The following PRDM11 variants were observed in gnomAD, a reference collection of about 807,000 sequenced individuals.
PRDM11 encodes PR domain-containing protein 11.
In PRDM11, 20 loss-of-function variants were observed where a neutral mutation model predicts 97.8. The observed-to-expected ratio is 0.20, with a 90% CI of 0.14 to 0.30. The LOEUF is 0.30. Ranked by LOEUF, PRDM11 falls within the 10% of genes least tolerant of loss-of-function variation. The pLI is 1.00. For missense variants in PRDM11, 1,139 were observed against 1,555.2 expected (o/e 0.73, Z 4.50); for synonymous variants, 599 against 637.7 (o/e 0.94, Z 0.91).
chr11:45,095,412 T>C (rs2135590839), upstream of PRDM11, among the ~76,000 whole-genome samples: 1 of 152,302 alleles, frequency 6.6e-6, no homozygotes, highest in South Asian at 2.1e-4. Context: ...GCTCATCATG[T>C]TGGGGACAGG....
At chr11:45,187,194 A>C (rs574708523) in intron 4 of PRDM11, among the ~76,000 whole-genome samples, 73 of 152,312 alleles carry the variant, frequency 4.8e-4, no homozygotes, top group African/African-American at 1.7e-3. Flanking sequence ...TGGTGATCGC[A>C]GTGCTGCAGA....
chr11:45,212,453 G>T (rs909565526), intron 5 of PRDM11: 2 of 373,720 alleles, frequency 5.4e-6, no homozygotes, highest in African/African-American at 2.1e-5. Flanking sequence ...TTCCATCTTT[G>T]TTTCTGTCCC....
intron 1 of PRDM11, among the ~76,000 whole-genome samples, chr11:45,158,409 G>A (rs1035454358): frequency 6.6e-6 from 1 of 152,248 alleles, no homozygotes; most frequent in Admixed American, 6.5e-5. Context: ...GGCCCCAGCA[G>A]CAGGCCGGGC....
chr11:45,164,935 T>C (rs1852023504), intron 1 of PRDM11, among the ~76,000 whole-genome samples: 1 of 152,202 alleles, frequency 6.6e-6, no homozygotes, highest in Admixed American at 6.5e-5. Context: ...AAGGGATTTA[T>C]CCAAGGTCTA....
rs1852510142 is a variant in PRDM11 at position 45,181,754 on chromosome 11, G to A, written c.-6-7G>A. 5.6e-6 allele frequency: 9 copies of A among 1,610,210 alleles called. No individual in the cohort carries two copies. The highest frequency in any genetic ancestry group is 2.2e-5 in the South Asian group (2 of 90,916). On this transcript the variant is annotated splice_region_variant and splice_polypyrimidine_tract_variant and intron_variant, in intron 1 of 7. Coordinates refer to ENST00000683152, the MANE Select transcript of PRDM11 (RefSeq NM_001384648.1). ...TTCCTGTGCTGGTCCCACCTCCTGC[G>A]TCCCAGGACAGAATGACCGAGAACA... is the stretch of plus-strand genomic sequence containing the variant.
chr11:45,147,327 C>G (rs1183933113), intron 1 of PRDM11: 1 of 151,216 alleles, frequency 6.6e-6, no homozygotes, highest in East Asian at 2.0e-4. Flanking sequence ...AGAGGGCTCG[C>G]CGCGGCCGCC....
At chr11:45,108,326 A>T (rs1361629690) in intron 1 of PRDM11, among the ~76,000 whole-genome samples, 1 of 152,162 alleles carries the variant, frequency 6.6e-6, no homozygotes, top group Non-Finnish European at 1.5e-5. Flanking sequence ...CCCATGATGC[A>T]GCAGCTTGAG....
intron 5 of PRDM11, chr11:45,214,724 C>G (rs1264746618): frequency 6.6e-6 from 1 of 152,186 alleles, no homozygotes; most frequent in African/African-American, 2.4e-5. Context: ...AAAAAGAAAT[C>G]AATCTCACTC....
chr11:45,219,834 C>G lies in PRDM11; in HGVS notation c.742+77C>G. The G allele has an allele frequency of 6.9e-7, 1 of 1,457,214 alleles. No homozygotes were observed. The highest frequency in any genetic ancestry group is 9.2e-7 in the Non-Finnish European group (1 of 1,087,676). 90.3% of individuals were successfully genotyped at this position (1,457,214 alleles called of 1,614,324 possible). A position where few individuals can be genotyped will look rare whatever the true frequency, so the allele number is the denominator to read the frequency against. On this transcript the variant is annotated intron_variant, in intron 6 of 7. Transcript: ENST00000683152. The surrounding 1 kb of genome is among the most constrained non-coding windows in gnomAD (Gnocchi z 4.2). ...GCCTGGATAGCTTGTTTTGGAGCTT[C>G]CTGAGAAATACGGTTCCCAGCAATG...
chr11:45,176,695 A>C (rs1257267500), intron 1 of PRDM11, among the ~76,000 whole-genome samples: 1 of 152,240 alleles, frequency 6.6e-6, no homozygotes, highest in Non-Finnish European at 1.5e-5. Flanking sequence ...TTTTGTGTTC[A>C]TCACAAAAGT....
chr11:45,105,253 C>G (rs1205337758), intron 1 of PRDM11, among the ~76,000 whole-genome samples: 4 of 152,240 alleles, frequency 2.6e-5, no homozygotes, highest in Admixed American at 2.6e-4. Flanking sequence ...TGCCCCACCT[C>G]CTAATACCAT....
intron 1 of PRDM11, among the ~76,000 whole-genome samples, chr11:45,101,567 A>AAAAAAAAAAGAAGAAGAAGAAGAAG (rs767802218): frequency 1.0e-5 from 1 of 96,862 alleles, no homozygotes; most frequent in Non-Finnish European, 2.1e-5. Context: ...AAAAAAAAAA[A>AAAAAAAAAAGAAGAAGAAGAAGAAG]AAGAAGAAGA....
intron 4 of PRDM11, among the ~76,000 whole-genome samples, chr11:45,199,368 T>C (rs1445471266): frequency 6.6e-6 from 1 of 152,208 alleles, no homozygotes; most frequent in African/African-American, 2.4e-5. Context: ...CCATCACTTT[T>C]TGTGCTGAGT....
chr11:45,197,503 C>A (rs529145095), intron 4 of PRDM11, among the ~76,000 whole-genome samples: 1 of 151,216 alleles, frequency 6.6e-6, no homozygotes, highest in Non-Finnish European at 1.5e-5. Flanking sequence ...AGTATTATCA[C>A]AATAATAATA....
At chr11:45,127,269 C>T (rs1183528146) in intron 1 of PRDM11, among the ~76,000 whole-genome samples, 1 of 152,108 alleles carries the variant, frequency 6.6e-6, no homozygotes, top group Non-Finnish European at 1.5e-5. Flanking sequence ...AACTTCTTTG[C>T]CATTGGTTTG....
intron 1 of PRDM11, among the ~76,000 whole-genome samples, chr11:45,109,584 T>C (rs955607898): frequency 2.6e-5 from 4 of 152,166 alleles, no homozygotes; most frequent in Non-Finnish European, 5.9e-5. Flanking sequence ...AGGGAGAGTA[T>C]CTGTTCTCTG....
chr11:45,128,313 C>A (rs1039525383), intron 1 of PRDM11, among the ~76,000 whole-genome samples: 1 of 152,208 alleles, frequency 6.6e-6, no homozygotes, highest in Non-Finnish European at 1.5e-5. Context: ...GAGGCAATGC[C>A]TCGCCCTGCT....
chr11:45,095,754 G>T, upstream of PRDM11: 1 of 701,542 alleles, frequency 1.4e-6, no homozygotes, highest in Non-Finnish European at 2.6e-6. Flanking sequence ...GATGGCCGCA[G>T]ATACGATGGC....
At chr11:45,203,695 A>G (rs1853411114) in intron 4 of PRDM11, among the ~76,000 whole-genome samples, 1 of 148,620 alleles carries the variant, frequency 6.7e-6, no homozygotes. Context: ...ATCTTGACTC[A>G]CTGCAAGCTC....
Sources: allele counts gnomAD v4.1 joint callset (sites outside exome capture counted in the v4.1 genomes callset), GRCh38; gene constraint gnomAD v4.1.1; non-coding constraint Gnocchi (gnomAD v3.1); transcripts MANE v1.5; gene names NCBI Gene and HGNC (gene_info 2026-07-23, HGNC 2026-07-21).